BLTP1: variants seen among roughly 807,000 people sequenced by gnomAD.
The protein encoded by BLTP1 is bridge-like lipid transfer protein family member 1, also known as fragile site-associated protein.
the BLTP1 span, among the ~76,000 whole-genome samples, chr4:122,294,402 C>T: frequency 3.9e-5 from 6 of 152,200 alleles, no homozygotes; most frequent in Admixed American, 1.3e-4. Flanking sequence ...GAGGAAGGGG[C>T]AGGCTGTCAT....
chr4:122,239,887 A>T, the BLTP1 span: 1 of 1,614,004 alleles, frequency 6.2e-7, no homozygotes, highest in East Asian at 2.2e-5. Flanking sequence ...GAGGAATTTG[A>T]GCCCATTAGC....
the BLTP1 span, chr4:122,336,187 T>G: frequency 6.3e-7 from 1 of 1,578,786 alleles, no homozygotes; most frequent in South Asian, 1.2e-5. Context: ...TTATAAATGT[T>G]CTAGCCAAAG....
chr4:122,244,068 A>G, the BLTP1 span: 1,523 of 1,520,532 alleles, frequency 1.0e-3, 20 homozygotes, highest in African/African-American at 0.018. Flanking sequence ...GCTTTATACA[A>G]TGATTACTCT....
At chr4:122,162,608 C>T in the BLTP1 span, 414 of 985,050 alleles carry the variant, frequency 4.2e-4, 2 homozygotes, top group Admixed American at 2.4e-3. Flanking sequence ...TCCTCTCATC[C>T]ATAATTCCTT....
chr4:122,226,537 T>C, the BLTP1 span: 2 of 1,449,576 alleles, frequency 1.4e-6, no homozygotes, highest in Non-Finnish European at 1.8e-6. Flanking sequence ...ATGTAAATGA[T>C]ATTAAAGGTA....
the BLTP1 span, chr4:122,334,579 T>C: frequency 5.0e-6 from 8 of 1,589,866 alleles, no homozygotes; most frequent in Non-Finnish European, 6.0e-6. Context: ...TTTTTTGTCA[T>C]TTTAAAAATT....
the BLTP1 span, chr4:122,273,264 C>T: frequency 1.0e-6 from 1 of 972,834 alleles, no homozygotes; most frequent in Non-Finnish European, 1.2e-6. Context: ...CCCTTCTTTA[C>T]CTGTTTTGTA....
the BLTP1 span, chr4:122,220,555 A>G: frequency 2.0e-5 from 23 of 1,157,502 alleles, no homozygotes; most frequent in East Asian, 7.8e-5. Context: ...GCTTCTGTGC[A>G]TGGACTTTGT....
At chr4:122,360,196 T>C in the BLTP1 span, among the ~76,000 whole-genome samples, 2 of 152,218 alleles carry the variant, frequency 1.3e-5, no homozygotes, top group Non-Finnish European at 2.9e-5. Flanking sequence ...TCTCTTTGCA[T>C]ACTAAGCATT....
chr4:122,301,748 T>C, the BLTP1 span, among the ~76,000 whole-genome samples: 1 of 152,320 alleles, frequency 6.6e-6, no homozygotes, highest in South Asian at 2.1e-4. Flanking sequence ...TTGTTTTTCT[T>C]CAAGTACTGC....
At chr4:122,196,595 T>C in the BLTP1 span, 1 of 1,518,624 alleles carries the variant, frequency 6.6e-7, no homozygotes, top group South Asian at 1.2e-5. Flanking sequence ...TAATTTTGTT[T>C]GAATAACATG....
the BLTP1 span, among the ~76,000 whole-genome samples, chr4:122,160,086 A>G: frequency 1.3e-5 from 2 of 152,194 alleles, no homozygotes; most frequent in Admixed American, 1.3e-4. Flanking sequence ...TATGTGCACA[A>G]AGATGCTGGC....
chr4:122,239,948 A>G, the BLTP1 span: 1 of 1,614,118 alleles, frequency 6.2e-7, no homozygotes, highest in Non-Finnish European at 8.5e-7. Flanking sequence ...AGAAAAAGCA[A>G]ACCCAGCAGA....
chr4:122,347,358 G>A, the BLTP1 span: 1 of 824,122 alleles, frequency 1.2e-6, no homozygotes, highest in Non-Finnish European at 1.5e-6. Flanking sequence ...CAAAACACTG[G>A]CATGTTCTTT....
At chr4:122,230,385 T>C in the BLTP1 span, among the ~76,000 whole-genome samples, 3 of 152,204 alleles carry the variant, frequency 2.0e-5, no homozygotes, top group East Asian at 3.8e-4. Flanking sequence ...TAAGTAAATA[T>C]ATATCTTGTC....
At chr4:122,217,732 A>C in the BLTP1 span, among the ~76,000 whole-genome samples, 11 of 152,116 alleles carry the variant, frequency 7.2e-5, 1 homozygote, top group South Asian at 2.3e-3. Flanking sequence ...GTCTTCAAAG[A>C]ATGATTTAGG....
the BLTP1 span, chr4:122,219,031 A>C: frequency 2.5e-6 from 1 of 408,158 alleles, no homozygotes; most frequent in South Asian, 1.0e-4. Context: ...CTGTTTAACC[A>C]TGCAAACCTT....
the BLTP1 span, chr4:122,352,835 C>A: frequency 6.4e-7 from 1 of 1,556,592 alleles, no homozygotes; most frequent in Admixed American, 1.9e-5. Flanking sequence ...CCACTTGCTG[C>A]CTCACTCTAC....
chr4:122,236,860 A>C, the BLTP1 span: 1 of 984,822 alleles, frequency 1.0e-6, no homozygotes, highest in South Asian at 4.7e-5. Context: ...TTTCTTGTCC[A>C]GGGAAGCTTG....
Sources: allele counts gnomAD v4.1 joint callset (sites outside exome capture counted in the v4.1 genomes callset), GRCh38; gene constraint gnomAD v4.1.1; transcripts MANE v1.5; gene names NCBI Gene and HGNC (gene_info 2026-07-23, HGNC 2026-07-21).